Variants in ME3 observed in about 807,000 individuals in gnomAD.
ME3 encodes NADP-dependent malic enzyme, mitochondrial.
ME3 carries 48 observed loss-of-function variants against 68.9 expected under a neutral mutation model. The observed-to-expected ratio is 0.70, with a 90% confidence interval of 0.55 to 0.89. ME3 has a LOEUF of 0.89. ME3 is among the 40% of genes least tolerant of loss of function. The probability of loss-of-function intolerance (pLI) is 0.00; values close to 1 mark genes in which losing one functional copy is unlikely to be tolerated. For missense variants in ME3, 675 were observed against 797.4 expected (o/e 0.85, Z 1.85); for synonymous variants, 320 against 318.8 (o/e 1.00, Z -0.04).
At chr11:86,634,222 C>T (rs949303613) in intron 2 of ME3, among the ~76,000 whole-genome samples, 2 of 151,966 alleles carry the variant, frequency 1.3e-5, no homozygotes, top group Non-Finnish European at 2.9e-5. Flanking sequence ...AAGTGGGGGC[C>T]CTGATTTAAA....
intron 7 of ME3, among the ~76,000 whole-genome samples, chr11:86,467,495 G>A (rs910108003): frequency 6.6e-5 from 10 of 152,096 alleles, no homozygotes; most frequent in African/African-American, 2.4e-4. Context: ...TGGGTGGGGA[G>A]GAACACAATG....
At chr11:86,568,484 C>T (rs1257016672) in intron 2 of ME3, among the ~76,000 whole-genome samples, 1 of 152,228 alleles carries the variant, frequency 6.6e-6, no homozygotes, top group Non-Finnish European at 1.5e-5. Flanking sequence ...ATTTCATCAG[C>T]TTTCCTGAAT....
rs553751873 is a variant in ME3 at position 86,529,473 on chromosome 11, T to C, written c.468-20606A>G. ...TTCCTTCTGAAACTATTCCAATCAATAGAAAAAGAGGGAATCCTCCCTAAC... is the reference window on the plus strand; with the variant it reads ...TTCCTTCTGAAACTATTCCAATCAACAGAAAAAGAGGGAATCCTCCCTAAC... On this transcript the variant is annotated intron_variant, in intron 4 of 14. Transcript: ENST00000543262. Among the ~76,000 whole-genome samples the C allele has an allele frequency of 2.2e-3, 331 of 152,118 alleles. 2 individuals are homozygous for C. The highest frequency in any genetic ancestry group is 7.7e-3 in the African/African-American group (321 of 41,490).
chr11:86,450,517 C>A, intron 8 of ME3, 119 bp from the exon 9 acceptor site: 1 of 730,196 alleles, frequency 1.4e-6, no homozygotes, highest in Non-Finnish European at 2.3e-6. Context: ...TTTCTTAGCC[C>A]TTATGCCCTG....
At chr11:86,596,117 G>T (rs1959410484) in intron 2 of ME3, among the ~76,000 whole-genome samples, 1 of 152,138 alleles carries the variant, frequency 6.6e-6, no homozygotes, top group South Asian at 2.1e-4. Context: ...TGCTTTGATA[G>T]TTCCCTTAAC....
In ME3 at chr11:86,534,026, A is replaced by C. The variant is rs183903424; in HGVS notation, c.467+22527T>G. Among the ~76,000 whole-genome samples the C allele has an allele frequency of 4.4e-3, 676 of 151,962 alleles. 5 individuals are homozygous for C. The highest frequency in any genetic ancestry group is 0.015 in the African/African-American group (637 of 41,390). On this transcript the variant is annotated intron_variant, in intron 4 of 14. Coordinates refer to ENST00000543262, the Ensembl canonical transcript of ME3. ...AACAAAATAGTAAATATTTGTTACTATCTGAACACCCAAACATTAAAAAAG... is the reference window on the plus strand; with the variant it reads ...AACAAAATAGTAAATATTTGTTACTCTCTGAACACCCAAACATTAAAAAAG...
At chr11:86,576,005 A>G (rs1005534656) in intron 2 of ME3, among the ~76,000 whole-genome samples, 2 of 152,228 alleles carry the variant, frequency 1.3e-5, no homozygotes, top group Admixed American at 1.3e-4. Flanking sequence ...GATGTTGAGC[A>G]TATCATTCAA....
intron 2 of ME3, among the ~76,000 whole-genome samples, chr11:86,599,601 C>T (rs1301900576): frequency 6.6e-6 from 1 of 152,108 alleles, no homozygotes; most frequent in African/African-American, 2.4e-5. Context: ...ATACAGAGAA[C>T]ACCACAAAGA....
chr11:86,561,419 GA>G (rs1189305962), intron 2 of ME3, among the ~76,000 whole-genome samples: 1 of 152,136 alleles, frequency 6.6e-6, no homozygotes, highest in African/African-American at 2.4e-5. Context: ...CCTGTCAGTT[GA>G]CAGAGCAAGG....
intron 2 of ME3, among the ~76,000 whole-genome samples, chr11:86,610,303 T>C (rs1942466370): frequency 6.6e-6 from 1 of 152,164 alleles, no homozygotes; most frequent in African/African-American, 2.4e-5. Context: ...ATTATCGTTA[T>C]ATTTTTTCCT....
At chr11:86,672,031 G>C (rs568646950) in intron 1 of ME3, 73 bp from the exon 2 acceptor site, 4 of 1,219,122 alleles carry the variant, frequency 3.3e-6, no homozygotes, top group Non-Finnish European at 4.2e-6. Context: ...GCGGGGCACC[G>C]GGCCTGATCC....
At chr11:86,669,973 T>A (rs1221679345) in intron 2 of ME3, among the ~76,000 whole-genome samples, 1 of 152,200 alleles carries the variant, frequency 6.6e-6, no homozygotes, top group Non-Finnish European at 1.5e-5. Context: ...CCATTCCTCC[T>A]CCTTCTGATG....
chr11:86,531,119 C>T (rs1183268547), intron 4 of ME3, among the ~76,000 whole-genome samples: 2 of 152,098 alleles, frequency 1.3e-5, no homozygotes, highest in East Asian at 1.9e-4. Flanking sequence ...GGCTAATATC[C>T]AGAATCTACA....
chr11:86,606,257 G>A (rs1159816312), intron 2 of ME3, among the ~76,000 whole-genome samples: 3 of 152,198 alleles, frequency 2.0e-5, no homozygotes, highest in African/African-American at 7.2e-5. Flanking sequence ...GGCTCGGAGA[G>A]GTCACCTGTG....
rs1009653379 is a variant in ME3, at chr11:86,632,400, G to A, written c.183+39362C>T. 4.6e-5 allele frequency among the ~76,000 whole-genome samples: 7 copies of A among 152,262 alleles called. 1 individual carries two copies. Among genetic ancestry groups the A allele is most frequent in the Non-Finnish European group, 1.5e-5 (1 of 68,016 alleles). On this transcript the variant is annotated intron_variant, in intron 2 of 14. Transcript: ENST00000543262. ...TCTGTAAGCCAGGTATCTTGGACTC[G>A]CTTCCCTGTGCCTGCTTCTGCCTGT... is the stretch of plus-strand genomic sequence containing the variant.
chr11:86,510,928 C>G (rs1297858970), intron 4 of ME3, among the ~76,000 whole-genome samples: 1 of 152,216 alleles, frequency 6.6e-6, no homozygotes, highest in African/African-American at 2.4e-5. Flanking sequence ...AAAACTGATT[C>G]TCTTTCCTAC....
chr11:86,447,579 C>T (rs1374440930), intron 11 of ME3, among the ~76,000 whole-genome samples: 2 of 152,094 alleles, frequency 1.3e-5, no homozygotes, highest in African/African-American at 4.8e-5. Context: ...GGTGTGGTGG[C>T]TCATGCCTGC....
intron 2 of ME3, among the ~76,000 whole-genome samples, chr11:86,646,105 G>T (rs10792868): frequency 0.45 from 68,788 of 152,074 alleles, 17,457 homozygotes; most frequent in Non-Finnish European, 0.58. Flanking sequence ...AAAAACCAGG[G>T]CAAAAAGGCT....
chr11:86,464,180 C>G (rs1210030327), intron 8 of ME3: 2 of 390,406 alleles, frequency 5.1e-6, no homozygotes, highest in East Asian at 1.5e-4. Context: ...CAACACCTGT[C>G]TCTTGCCAAC....
Sources: gnomAD v4.1 joint callset for allele counts (sites outside exome capture counted in the v4.1 genomes callset) on GRCh38, gnomAD v4.1.1 for gene constraint, MANE v1.5 for transcripts, NCBI Gene and HGNC (gene_info 2026-07-23, HGNC 2026-07-21) for gene names.